COL4A6: variants seen among roughly 807,000 people sequenced by gnomAD.
COL4A6 encodes the protein collagen alpha-6(IV) chain.
COL4A6 carries 59 observed loss-of-function variants against 126.7 expected under a neutral mutation model. The ratio of observed to expected loss-of-function variants is 0.47; its 90% confidence interval spans 0.38 to 0.58. The LOEUF (loss-of-function observed/expected upper bound fraction) is 0.58. Ranked by LOEUF, COL4A6 falls within the 20% of genes least tolerant of loss-of-function variation. The pLI, the probability that COL4A6 is intolerant of heterozygous loss-of-function variation, is 0.00. For missense variants in COL4A6, 1,285 were observed against 1,337.3 expected (o/e 0.96, Z 0.61); for synonymous variants, 547 against 496.6 (o/e 1.10, Z -1.35).
intron 2 of COL4A6, among the ~76,000 whole-genome samples, chrX:108,324,755 T>TCA (rs2039113165): frequency 8.9e-6 from 1 of 111,811 alleles, no homozygotes; most frequent in Non-Finnish European, 1.9e-5. Flanking sequence ...TTTAACTTGC[T>TCA]CACAGATGGG....
chrX:108,192,506 G>A lies in COL4A6; in HGVS notation c.1147C>T (p.Pro383Ser), dbSNP rs2035080047. The change falls in exon 18 of 45, where the codon CCT (proline) becomes TCT (serine). Residue 383 changes from proline to serine, a missense_variant. Pro to Ser is a moderately conservative substitution (Grantham distance 74). Transcript: ENST00000334504. ...GDEGIQGLRG[P>S]SGVPGLPALS... ...GCTGGCAATCCAGGGACACCAGAAG[G>A]GCCACGTAGGCCTTGGATGCCTTCA... The A allele has an allele frequency of 2.5e-6, 3 of 1,207,690 alleles. No individual in the cohort carries two copies. Among genetic ancestry groups the A allele is most frequent in the African/African-American group, 1.7e-5 (1 of 57,308 alleles).
At chrX:108,343,846 C>T (rs1007477387) in intron 2 of COL4A6, among the ~76,000 whole-genome samples, 3 of 104,834 alleles carry the variant, frequency 2.9e-5, no homozygotes, top group Non-Finnish European at 5.8e-5. Context: ...GAGGGGTGAG[C>T]GTTGGGGGGA....
chrX:108,315,599 C>T (rs1360382573), intron 2 of COL4A6, among the ~76,000 whole-genome samples: 3 of 111,962 alleles, frequency 2.7e-5, no homozygotes, highest in African/African-American at 9.8e-5. Context: ...TAAATATAAT[C>T]TCTACTCCAC....
chrX:108,263,456 G>A (rs900155045), intron 3 of COL4A6, among the ~76,000 whole-genome samples: 3 of 111,913 alleles, frequency 2.7e-5, no homozygotes, highest in African/African-American at 9.7e-5. Flanking sequence ...TAGGACCGTG[G>A]TTCCCATCAA....
At chrX:108,315,022 G>A (rs2038848915) in intron 2 of COL4A6, among the ~76,000 whole-genome samples, 1 of 111,893 alleles carries the variant, frequency 8.9e-6, no homozygotes, top group Non-Finnish European at 1.9e-5. Flanking sequence ...GTCTATAGCT[G>A]ATGTTCACTT....
intron 2 of COL4A6, among the ~76,000 whole-genome samples, chrX:108,405,167 T>C (rs1042518282): frequency 6.3e-5 from 7 of 110,843 alleles, no homozygotes; most frequent in African/African-American, 2.3e-4. Context: ...TTTAGTATCA[T>C]GGGTTTTTTT....
rs2038688954 is a variant in COL4A6, at chrX:108,308,818, T to C, written c.144+1930A>G. On this transcript the variant is annotated intron_variant, in intron 3 of 44. Coordinates refer to ENST00000334504, the MANE Select transcript of COL4A6 (RefSeq NM_033641.4). ...AGGTAATTATGATCCTTAGTATCTA[T>C]GCTAGAGATGTATCTATGCTTGAGC... is the stretch of plus-strand genomic sequence containing the variant. Among the ~76,000 whole-genome samples, 4 of 112,077 alleles carry C rather than the reference T, an allele frequency of 3.6e-5. No homozygotes were observed. The South Asian group carries it at 1.5e-3, about 41-fold the overall frequency.
At chrX:108,247,257 T>C (rs1569379575) in intron 3 of COL4A6, among the ~76,000 whole-genome samples, 1 of 111,870 alleles carries the variant, frequency 8.9e-6, no homozygotes. Flanking sequence ...GTTTCCTGTT[T>C]ATAAAATGGA....
chrX:108,179,316 T>C lies in COL4A6; in HGVS notation c.2254A>G (p.Ile752Val). The C allele has an allele frequency of 8.3e-7, 1 of 1,211,406 alleles. No individual in the cohort carries two copies. Among genetic ancestry groups the C allele is most frequent in the Non-Finnish European group, 1.1e-6 (1 of 895,321 alleles). Residue 752 changes from isoleucine (I) to valine (V), a missense_variant, in exon 26 of 45, where the codon ATC becomes GTC. By Grantham distance (29) the Ile-to-Val change is conservative (BLOSUM62 3). Coordinates refer to ENST00000334504, the MANE Select transcript of COL4A6 (RefSeq NM_033641.4). Reference sequence around the variant, plus strand: ...GGAGCACCATTTTCAGCACCAAAGATGTCACCAGTGGCTCCCTTGGAACCA... The same window carrying C: ...GGAGCACCATTTTCAGCACCAAAGACGTCACCAGTGGCTCCCTTGGAACCA... ...LPGSKGATGDIFGAENGAPGE... is the reference protein window; with the variant it reads ...LPGSKGATGDVFGAENGAPGE...
At chrX:108,159,224 A>G (rs2033838759) in intron 44 of COL4A6, among the ~76,000 whole-genome samples, 1 of 112,047 alleles carries the variant, frequency 8.9e-6, no homozygotes, top group Admixed American at 9.4e-5. Flanking sequence ...GCATTGACCT[A>G]TGACTCACAG....
At chrX:108,390,180 C>G (rs2040803430) in intron 2 of COL4A6, among the ~76,000 whole-genome samples, 1 of 111,096 alleles carries the variant, frequency 9.0e-6, no homozygotes, top group African/African-American at 3.3e-5. Flanking sequence ...TTCATTTTAA[C>G]CTTGGTGAAT....
At chrX:108,223,888 G>A (rs1245626082) in intron 3 of COL4A6, among the ~76,000 whole-genome samples, 3 of 111,610 alleles carry the variant, frequency 2.7e-5, no homozygotes, top group African/African-American at 9.8e-5. Flanking sequence ...CTAGCAGAGA[G>A]GATCCAGTCA....
At chrX:108,402,536 GTTTTTC>G (rs2148210125) in intron 2 of COL4A6, among the ~76,000 whole-genome samples, 1 of 109,650 alleles carries the variant, frequency 9.1e-6, no homozygotes, top group African/African-American at 3.3e-5. Context: ...GATTTGTTCT[GTTTTTC>G]TTTTTCTAAC....
chrX:108,307,703 T>A (rs2038660716), intron 3 of COL4A6, among the ~76,000 whole-genome samples: 1 of 111,918 alleles, frequency 8.9e-6, no homozygotes, highest in South Asian at 3.8e-4. Context: ...GCTTGAAATA[T>A]AAATGGTGCC....
intron 20 of COL4A6, among the ~76,000 whole-genome samples, chrX:108,189,419 C>A (rs1026769283): frequency 8.9e-6 from 1 of 111,927 alleles, no homozygotes; most frequent in East Asian, 2.8e-4. Context: ...TTAATAACCT[C>A]CCCTGGGTGA....
At chrX:108,271,308 AG>A (rs982059850) in intron 3 of COL4A6, among the ~76,000 whole-genome samples, 1 of 111,819 alleles carries the variant, frequency 8.9e-6, no homozygotes, top group Non-Finnish European at 1.9e-5. Flanking sequence ...GACTCCCCCA[AG>A]GGAGAGGGAC....
chrX:108,434,612 C>T (rs919956252), intron 2 of COL4A6, among the ~76,000 whole-genome samples: 1 of 110,564 alleles, frequency 9.0e-6, no homozygotes, highest in African/African-American at 3.3e-5. Context: ...ATAATAACAT[C>T]TATTATCCCC....
intron 3 of COL4A6, among the ~76,000 whole-genome samples, chrX:108,228,431 G>A (rs2036226007): frequency 8.9e-6 from 1 of 112,444 alleles, no homozygotes; most frequent in African/African-American, 3.2e-5. Flanking sequence ...GGCTGAGAAG[G>A]CAATACACAA....
intron 37 of COL4A6, 47 bp downstream of exon 37, chrX:108,169,448 C>A: frequency 8.3e-7 from 1 of 1,203,227 alleles, no homozygotes; most frequent in South Asian, 1.8e-5. Context: ...ACCTGACTCT[C>A]CCAGCAAGGC....
Sources: allele counts gnomAD v4.1 joint callset (sites outside exome capture counted in the v4.1 genomes callset), GRCh38; gene constraint gnomAD v4.1.1; transcripts MANE v1.5; gene names NCBI Gene and HGNC (gene_info 2026-07-23, HGNC 2026-07-21).